Variants in ITGA2 observed in about 807,000 individuals in gnomAD.
ITGA2 encodes the protein integrin subunit alpha 2.
A neutral mutation model predicts 146.3 loss-of-function variants in ITGA2; 101 were observed. The ratio of observed to expected loss-of-function variants is 0.69; its 90% CI spans 0.59 to 0.81. ITGA2 has a LOEUF of 0.81. ITGA2 is among the 40% of genes least tolerant of loss of function. ITGA2 has a pLI of 0.00. For synonymous variants in ITGA2, 477 were observed against 487.1 expected (o/e 0.98, Z 0.27); for missense variants, 1,281 against 1,402.7 (o/e 0.91, Z 1.39).
At position 53,067,182 on chromosome 5, in the gene ITGA2, A is replaced by G. The variant is rs767213966; in HGVS notation, c.2008A>G (p.Asn670Asp). The change falls in exon 16 of 30, where the codon AAC (asparagine) becomes GAC (aspartate). Residue 670 changes from asparagine to aspartate, a missense_variant. Coordinates refer to ENST00000296585, the MANE Select transcript of ITGA2 (RefSeq NM_002203.4). ...SFTPEKITLV[N>D]KNAQIILKLC... ...CACACCAGAAAAAATCACTTTGGTC[A>G]ACAAGAATGCTCAGATAATTCTCAA... 3 of 1,611,748 alleles carry G rather than the reference A, an allele frequency of 1.9e-6. No homozygotes were observed. The East Asian group carries it at 6.7e-5, about 36-fold the overall frequency.
intron 1 of ITGA2, among the ~76,000 whole-genome samples, chr5:53,000,891 CTTTTTGT>C (rs1741545403): frequency 8.6e-5 from 9 of 105,118 alleles, no homozygotes; most frequent in South Asian, 2.9e-4. Flanking sequence ...TTTTCTTTTT[CTTTTTGT>C]TTTTTTTTTT....
intron 1 of ITGA2, among the ~76,000 whole-genome samples, chr5:53,018,220 C>T (rs986161862): frequency 1.3e-5 from 2 of 152,192 alleles, no homozygotes; most frequent in African/African-American, 4.8e-5. Flanking sequence ...AGGAGCACGG[C>T]AGGCCTTGAG....
At chr5:53,066,896 T>C (rs925800020) in intron 15 of ITGA2, among the ~76,000 whole-genome samples, 2 of 151,842 alleles carry the variant, frequency 1.3e-5, no homozygotes, top group African/African-American at 2.4e-5. Context: ...ATAACTAATA[T>C]GTTAAACATG....
At chr5:53,071,552 G>T (rs1296922211) in intron 17 of ITGA2, among the ~76,000 whole-genome samples, 1 of 151,966 alleles carries the variant, frequency 6.6e-6, no homozygotes, top group African/African-American at 2.4e-5. Flanking sequence ...AGAGTTAAGA[G>T]TAAGTCCTGC....
At position 53,048,365 on chromosome 5, in the gene ITGA2, A is replaced by C. The variant is rs774956677; in HGVS notation, c.390A>C (p.Thr130=). Residue 130 remains threonine (T), a splice_region_variant and synonymous_variant, in exon 5 of 30, where the codon ACA becomes ACC. Coordinates refer to ENST00000296585, the MANE Select transcript of ITGA2 (RefSeq NM_002203.4). ...TRNMGTGGFL[T]CGPLWAQQCG... is the part of the protein sequence containing the mutation. ...ATTGTTTTCTCATTTCTTTGAAGAC[A>C]TGTGGTCCTCTGTGGGCACAGCAAT... is the stretch of plus-strand genomic sequence containing the variant. 1.2e-6 allele frequency: 2 copies of C among 1,612,220 alleles called. No homozygotes were observed.
intron 1 of ITGA2, among the ~76,000 whole-genome samples, chr5:52,990,432 G>C (rs1740885160): frequency 6.6e-6 from 1 of 152,190 alleles, no homozygotes; most frequent in Admixed American, 6.5e-5. Flanking sequence ...CTGACCATTA[G>C]GCAGAGCTAG....
intron 2 of ITGA2, among the ~76,000 whole-genome samples, chr5:53,028,235 C>T (rs1274222780): frequency 6.6e-6 from 1 of 152,156 alleles, no homozygotes; most frequent in African/African-American, 2.4e-5. Flanking sequence ...AAAATGAAAT[C>T]ATCCCCTGAG....
chr5:53,027,447 G>C (rs1019552233), intron 2 of ITGA2, among the ~76,000 whole-genome samples: 1 of 152,174 alleles, frequency 6.6e-6, no homozygotes, highest in African/African-American at 2.4e-5. Context: ...GTTTTTACAT[G>C]CTATGTGATG....
chr5:53,082,770 C>T (rs531894310), intron 26 of ITGA2, among the ~76,000 whole-genome samples: 88 of 152,128 alleles, frequency 5.8e-4, no homozygotes, highest in Non-Finnish European at 7.5e-4. Flanking sequence ...TGACATGTAT[C>T]CACCACTATA....
intron 3 of ITGA2, among the ~76,000 whole-genome samples, 157 bp from the exon 4 acceptor site, chr5:53,044,844 C>G (rs3212460): frequency 6.6e-6 from 1 of 152,320 alleles, no homozygotes; most frequent in East Asian, 1.9e-4. Flanking sequence ...CTGAAAGCAT[C>G]GCGTTTCCCC....
chr5:52,991,994 T>C (rs1435184413), intron 1 of ITGA2, among the ~76,000 whole-genome samples: 1 of 113,204 alleles, frequency 8.8e-6, no homozygotes, highest in Non-Finnish European at 2.2e-5. Context: ...TCAAGGATAG[T>C]CCTTCCACCC....
At chr5:53,013,733 AC>A (rs1312874377) in intron 1 of ITGA2, among the ~76,000 whole-genome samples, 18 of 152,332 alleles carry the variant, frequency 1.2e-4, no homozygotes, top group Admixed American at 3.9e-4. Flanking sequence ...CTTCCTAGCC[AC>A]AAGCATGAAA....
intron 25 of ITGA2, 116 bp downstream of exon 25, chr5:53,080,737 A>G (rs1745883246): frequency 1.3e-6 from 1 of 775,974 alleles, no homozygotes. Context: ...ACTCCTATGC[A>G]GCCTGGGTGC....
rs778630931 is a variant in ITGA2 at position 53,064,901 on chromosome 5, C to T, written c.1603-11C>T. 7 of 1,611,772 alleles carry T rather than the reference C, an allele frequency of 4.3e-6. No individual in the cohort carries two copies. The Admixed American group carries it at 6.7e-5, about 15-fold the overall frequency. ...TTTGCTTTAATCATCCTTTTGTTTC[C>T]CCTTTGCAAGGGCATTTTGGGTCAG... On this transcript the variant is annotated splice_polypyrimidine_tract_variant and intron_variant, in intron 13 of 29. Transcript: ENST00000296585.
intron 2 of ITGA2, among the ~76,000 whole-genome samples, chr5:53,027,660 C>T (rs1743017780): frequency 6.6e-6 from 1 of 152,200 alleles, no homozygotes; most frequent in Non-Finnish European, 1.5e-5. Flanking sequence ...CCATGGGGAC[C>T]TTATCTCCTT....
At chr5:53,075,164 A>G in intron 22 of ITGA2, 27 bp downstream of exon 22, 1 of 1,603,470 alleles carries the variant, frequency 6.2e-7, no homozygotes, top group Non-Finnish European at 8.5e-7. Context: ...TCATGAATGG[A>G]ATGATGGATA....
chr5:53,028,534 A>G (rs183846444), intron 2 of ITGA2, among the ~76,000 whole-genome samples: 4 of 152,344 alleles, frequency 2.6e-5, no homozygotes, highest in African/African-American at 9.6e-5. Context: ...GAAAGACAAT[A>G]TGGTCGGTAT....
intron 2 of ITGA2, among the ~76,000 whole-genome samples, chr5:53,030,752 A>G (rs1743185767): frequency 6.6e-6 from 1 of 152,270 alleles, no homozygotes; most frequent in Non-Finnish European, 1.5e-5. Context: ...TATGCAGAAT[A>G]GGCAACTTTG....
At chr5:53,048,232 C>G in intron 4 of ITGA2, 131 bp from the exon 5 acceptor site, 1 of 755,954 alleles carries the variant, frequency 1.3e-6, no homozygotes, top group Non-Finnish European at 2.3e-6. Flanking sequence ...ATTACTGACT[C>G]ATTGGTTTTG....
Sources: gnomAD v4.1 joint callset for allele counts (sites outside exome capture counted in the v4.1 genomes callset) on GRCh38, gnomAD v4.1.1 for gene constraint, MANE v1.5 for transcripts, NCBI Gene and HGNC (gene_info 2026-07-23, HGNC 2026-07-21) for gene names.